The following RIMS2 variants were observed in gnomAD, a reference collection of about 807,000 sequenced individuals.
RIMS2 encodes the protein regulating synaptic membrane exocytosis 2.
Under a neutral mutation model 174.4 loss-of-function variants are expected in RIMS2, and 59 were observed. The ratio of observed to expected loss-of-function variants is 0.34; its 90% CI spans 0.27 to 0.42. The LOEUF (loss-of-function observed/expected upper bound fraction) is 0.42, where lower values mean the gene tolerates loss of function less well. RIMS2 is among the 10% of genes least tolerant of loss of function. The pLI, the probability that RIMS2 is intolerant of heterozygous loss-of-function variation, is 1.00. For missense variants in RIMS2, 1,620 were observed against 1,666.3 expected, an observed-to-expected ratio of 0.97 and a Z score of 0.48; for synonymous variants, 606 against 572.5, an observed-to-expected ratio of 1.06 and a Z score of -0.84.
At chr8:103,534,427 A>G (rs951279557) in intron 1 of RIMS2, among the ~76,000 whole-genome samples, 18 of 152,194 alleles carry the variant, frequency 1.2e-4, no homozygotes, top group Non-Finnish European at 2.4e-4. Context: ...TTAATATCCA[A>G]CTTTCATCTG....
chr8:103,739,524 A>G (rs1478662658), intron 2 of RIMS2, among the ~76,000 whole-genome samples: 1 of 152,220 alleles, frequency 6.6e-6, no homozygotes. Context: ...AACTTAAAGT[A>G]TAATATAAAA....
chr8:104,094,412 T>C, intron 19 of RIMS2: 1 of 580,838 alleles, frequency 1.7e-6, no homozygotes. Flanking sequence ...TTCATAAGTG[T>C]TTTTTCTTGA....
At chr8:103,665,747 C>G (rs902433652) in intron 1 of RIMS2, among the ~76,000 whole-genome samples, 1 of 152,080 alleles carries the variant, frequency 6.6e-6, no homozygotes, top group Non-Finnish European at 1.5e-5. Context: ...ATACTTTCAA[C>G]TTCCTGAATT....
rs1454889431 is a variant in RIMS2, at chr8:103,864,776, TAGAGTTAGAGCACTAACAGTCAC to T, written c.699-20516_699-20494del. Among the ~76,000 whole-genome samples, 7 of 152,306 alleles carry T rather than the reference TAGAGTTAGAGCACTAACAGTCAC, an allele frequency of 4.6e-5. No individual in the cohort carries two copies. The East Asian group carries it at 1.2e-3, about 25-fold the overall frequency. On this transcript the variant is annotated intron_variant, in intron 3 of 23. Transcript: ENST00000504942. Reference sequence around the variant, plus strand: ...ACTGAAGTCATACAACTAACAGTCATAGAGTTAGAGCACTAACAGTCACAGAGTATCAAGTGTGCCTGACTCTA... The same window carrying T: ...ACTGAAGTCATACAACTAACAGTCATAGAGTATCAAGTGTGCCTGACTCTA...
intron 3 of RIMS2, among the ~76,000 whole-genome samples, chr8:103,843,916 T>G (rs1005094937): frequency 6.6e-6 from 1 of 152,268 alleles, no homozygotes; most frequent in African/African-American, 2.4e-5. Flanking sequence ...AATTCCCACG[T>G]GTTGTGGGAG....
At chr8:103,655,648 C>T (rs13439652) in intron 1 of RIMS2, among the ~76,000 whole-genome samples, 26,899 of 151,884 alleles carry the variant, frequency 0.18, 2,591 homozygotes, top group African/African-American at 0.24. Flanking sequence ...TCCTCTTTGG[C>T]TGTGAGGTCT....
At chr8:104,060,485 A>C (rs1169116326) in intron 19 of RIMS2, among the ~76,000 whole-genome samples, 1 of 149,228 alleles carries the variant, frequency 6.7e-6, no homozygotes, top group Admixed American at 6.8e-5. Flanking sequence ...TCTTGCTAGC[A>C]GTCTATCAAT....
chr8:103,701,675 A>G (rs2097169447), intron 2 of RIMS2, among the ~76,000 whole-genome samples: 1 of 152,024 alleles, frequency 6.6e-6, no homozygotes, highest in Non-Finnish European at 1.5e-5. Flanking sequence ...TGTGAATGAG[A>G]ACATGTGGTA....
chr8:103,954,504 TG>T (rs1264391288), intron 14 of RIMS2, among the ~76,000 whole-genome samples: 1 of 152,152 alleles, frequency 6.6e-6, no homozygotes, highest in Non-Finnish European at 1.5e-5. Context: ...GAATGACTAC[TG>T]GGTAAATAAC....
At chr8:103,954,800 TC>T (rs1282082741) in intron 14 of RIMS2, among the ~76,000 whole-genome samples, 1 of 151,812 alleles carries the variant, frequency 6.6e-6, no homozygotes, top group African/African-American at 2.4e-5. Context: ...TTCAAAAAAA[TC>T]AACAAATCCA....
chr8:104,187,586 C>G (rs557039504), intron 19 of RIMS2, among the ~76,000 whole-genome samples: 48 of 151,824 alleles, frequency 3.2e-4, no homozygotes, highest in African/African-American at 1.1e-3. Flanking sequence ...TAAATCTCTT[C>G]CAACATTAAA....
At chr8:103,817,442 C>T (rs1034911171) in intron 3 of RIMS2, among the ~76,000 whole-genome samples, 3 of 152,146 alleles carry the variant, frequency 2.0e-5, no homozygotes, top group Non-Finnish European at 4.4e-5. Flanking sequence ...ACAGGAAAAT[C>T]AAAATATTTT....
Position 103,876,389 on chromosome 8 carries a change from A to T in RIMS2, c.699-8909A>T, listed in dbSNP as rs533517416. The stretch of plus-strand genomic sequence containing the variant: ...CTTCCCCAGTGTATGGTTTTTTTTT[A>T]AATCCAAACTTATATTTTAAAAAAC... On this transcript the variant is annotated intron_variant, in intron 3 of 23. Coordinates refer to ENST00000504942, the Ensembl canonical transcript of RIMS2. Among the ~76,000 whole-genome samples the T allele has an allele frequency of 4.6e-5, 7 of 151,346 alleles. No homozygotes were observed. The East Asian group carries it at 7.8e-4, about 17-fold the overall frequency.
chr8:103,915,935 C>T (rs2076555094), intron 7 of RIMS2, among the ~76,000 whole-genome samples: 1 of 151,802 alleles, frequency 6.6e-6, no homozygotes. Context: ...CCGTGTGTGT[C>T]ACCCCTTATC....
intron 19 of RIMS2, among the ~76,000 whole-genome samples, chr8:104,243,941 G>A (rs576042537): frequency 6.6e-6 from 1 of 152,138 alleles, no homozygotes; most frequent in East Asian, 1.9e-4. Flanking sequence ...CATGTGCTTG[G>A]TCATTGCACC....
At chr8:103,909,108 G>A (rs1034754675) in intron 4 of RIMS2, among the ~76,000 whole-genome samples, 1 of 151,916 alleles carries the variant, frequency 6.6e-6, no homozygotes, top group Non-Finnish European at 1.5e-5. Flanking sequence ...GTATTCTTTC[G>A]TAGTGTCTTG....
At chr8:104,063,870 G>C (rs1175788490) in intron 19 of RIMS2, among the ~76,000 whole-genome samples, 1 of 152,146 alleles carries the variant, frequency 6.6e-6, no homozygotes, top group African/African-American at 2.4e-5. Flanking sequence ...GCATGCTCAT[G>C]CTCTTTCAGT....
intron 4 of RIMS2, among the ~76,000 whole-genome samples, chr8:103,901,394 G>T (rs2099327276): frequency 6.6e-6 from 1 of 152,090 alleles, no homozygotes; most frequent in African/African-American, 2.4e-5. Flanking sequence ...TCTGCCCTTA[G>T]TGTGGCAAAC....
At chr8:104,196,740 T>C (rs1018171146) in intron 19 of RIMS2, among the ~76,000 whole-genome samples, 11 of 152,174 alleles carry the variant, frequency 7.2e-5, no homozygotes, top group Non-Finnish European at 1.6e-4. Flanking sequence ...TATTTTTCAG[T>C]ATTATGTCGT....
Sources: allele counts gnomAD v4.1 joint callset (sites outside exome capture counted in the v4.1 genomes callset), GRCh38; gene constraint gnomAD v4.1.1; transcripts MANE v1.5; gene names NCBI Gene and HGNC (gene_info 2026-07-23, HGNC 2026-07-21).